Variants in THSD7A observed in about 807,000 individuals in gnomAD.
THSD7A encodes thrombospondin type-1 domain-containing protein 7A.
Under a neutral mutation model 231.3 loss-of-function variants are expected in THSD7A, and 96 were observed. The ratio of observed to expected loss-of-function variants is 0.41; its 90% CI spans 0.35 to 0.49. The LOEUF (loss-of-function observed/expected upper bound fraction) is 0.49. Ranked by LOEUF, THSD7A falls within the 20% of genes least tolerant of loss-of-function variation. The probability of loss-of-function intolerance (pLI) is 0.05; values close to 1 mark genes in which losing one functional copy is unlikely to be tolerated. For synonymous variants in THSD7A, 940 were observed against 743.3 expected (o/e 1.26, Z -4.30); for missense variants, 2,290 against 2,070.2 (o/e 1.11, Z -2.06).
intron 16 of THSD7A, among the ~76,000 whole-genome samples, chr7:11,421,262 G>T (rs1391175961): frequency 1.3e-5 from 2 of 152,178 alleles, no homozygotes; most frequent in Non-Finnish European, 2.9e-5. Flanking sequence ...TCATAGGGCA[G>T]ATTTTCCCCT....
At chr7:11,599,791 C>T (rs1265690924) in intron 2 of THSD7A, among the ~76,000 whole-genome samples, 1 of 151,250 alleles carries the variant, frequency 6.6e-6, no homozygotes, top group African/African-American at 2.4e-5. Flanking sequence ...AGTATTGATG[C>T]TGGGTGTGTC....
chr7:11,611,700 T>C (rs1302931693), intron 2 of THSD7A, among the ~76,000 whole-genome samples: 1 of 151,568 alleles, frequency 6.6e-6, no homozygotes, highest in Non-Finnish European at 1.5e-5. Context: ...TTTATAAAAC[T>C]AAGTAATATA....
At position 11,377,892 on chromosome 7, in the gene THSD7A, T is replaced by G. The variant is rs1014130629; in HGVS notation, c.4801+1178A>C. The stretch of plus-strand genomic sequence containing the variant: ...TTTTTCAAAAGGACTGGTTTTGATC[T>G]GAGGAGATCTGCTTCAATTCTTAGT... On this transcript the variant is annotated intron_variant, in intron 26 of 27. Coordinates refer to ENST00000423059, the MANE Select transcript of THSD7A (RefSeq NM_015204.3). The surrounding 1 kb of genome is among the most constrained non-coding windows in gnomAD (Gnocchi z 4.5). The G allele has an allele frequency of 2.6e-5, 4 of 152,052 alleles. No individual in the cohort carries two copies. The highest frequency in any genetic ancestry group is 9.7e-5 in the African/African-American group (4 of 41,428). 9.4% of individuals were successfully genotyped at this position (152,052 alleles called of 1,614,324 possible).
rs988066923 is a variant in THSD7A, at chr7:11,372,742, A to G, written c.*3052T>C. ...CCCCCTCGGTGAGGTAAAAGTGTCA[A>G]TAGAGAAGTTACTACTATATTCCCC... On this transcript the variant is annotated 3_prime_UTR_variant, in exon 28 of 28. Transcript: ENST00000423059. The G allele has an allele frequency of 2.0e-5, 3 of 152,056 alleles. No individual in the cohort carries two copies. Among genetic ancestry groups the G allele is most frequent in the African/African-American group, 7.2e-5 (3 of 41,408 alleles). 9.4% of individuals were successfully genotyped at this position (152,056 alleles called of 1,614,324 possible).
intron 2 of THSD7A, among the ~76,000 whole-genome samples, chr7:11,623,173 G>A (rs377311768): frequency 6.6e-4 from 100 of 152,266 alleles, no homozygotes; most frequent in African/African-American, 2.4e-3. Flanking sequence ...CCTGATAGAT[G>A]ATCACTAAAT....
chr7:11,386,969 T>A (rs1782770531), intron 23 of THSD7A, among the ~76,000 whole-genome samples: 2 of 152,234 alleles, frequency 1.3e-5, no homozygotes, highest in South Asian at 4.1e-4. Context: ...AAATAGGGAA[T>A]CCTTTCCCCA....
intron 1 of THSD7A, among the ~76,000 whole-genome samples, chr7:11,670,410 T>A (rs1014546518): frequency 6.6e-6 from 1 of 152,230 alleles, no homozygotes; most frequent in Non-Finnish European, 1.5e-5. Context: ...TCACACAATC[T>A]GGTTGGAGCC....
chr7:11,723,878 C>A (rs912884208), intron 1 of THSD7A, among the ~76,000 whole-genome samples: 5 of 151,836 alleles, frequency 3.3e-5, no homozygotes, highest in Admixed American at 6.6e-5. Flanking sequence ...TAGACATTAA[C>A]AGACATTGGA....
intron 1 of THSD7A, among the ~76,000 whole-genome samples, chr7:11,824,963 G>A (rs1784982006): frequency 6.6e-6 from 1 of 152,062 alleles, no homozygotes; most frequent in African/African-American, 2.4e-5. Flanking sequence ...TAAATTTGGT[G>A]CTCAAAACAT....
chr7:11,647,868 G>A (rs1008701408), intron 1 of THSD7A, among the ~76,000 whole-genome samples: 2 of 151,982 alleles, frequency 1.3e-5, no homozygotes, highest in South Asian at 2.1e-4. Context: ...TAACTACTGC[G>A]TCCATACATA....
chr7:11,396,943 C>T (rs774958385), intron 23 of THSD7A, among the ~76,000 whole-genome samples: 7 of 152,158 alleles, frequency 4.6e-5, no homozygotes, highest in Admixed American at 2.0e-4. Context: ...ATGATCAAGT[C>T]GGCTTCATCC....
At chr7:11,424,173 T>G (rs1038895282) in intron 16 of THSD7A, among the ~76,000 whole-genome samples, 4 of 150,418 alleles carry the variant, frequency 2.7e-5, no homozygotes, top group Non-Finnish European at 4.4e-5. Flanking sequence ...GCATTTTTAA[T>G]TTAATTTAAA....
At chr7:11,560,759 C>T (rs1009050557) in intron 4 of THSD7A, among the ~76,000 whole-genome samples, 1 of 151,910 alleles carries the variant, frequency 6.6e-6, no homozygotes, top group African/African-American at 2.4e-5. Context: ...CACTGAGTAA[C>T]AAACCCAACT....
chr7:11,798,528 T>A (rs951388718), intron 1 of THSD7A, among the ~76,000 whole-genome samples: 2 of 150,962 alleles, frequency 1.3e-5, no homozygotes, highest in Non-Finnish European at 3.0e-5. Flanking sequence ...AATATGCAAA[T>A]AAAAATTGTA....
intron 1 of THSD7A, among the ~76,000 whole-genome samples, chr7:11,759,786 A>G (rs959709962): frequency 2.0e-5 from 3 of 152,136 alleles, no homozygotes; most frequent in Non-Finnish European, 4.4e-5. Flanking sequence ...GCAGTCTTTC[A>G]TAACAATAGT....
chr7:11,539,974 T>C (rs561816328), intron 6 of THSD7A, among the ~76,000 whole-genome samples: 1 of 152,330 alleles, frequency 6.6e-6, no homozygotes, highest in African/African-American at 2.4e-5. Flanking sequence ...TGACTGTTTT[T>C]ACAGCAATTC....
chr7:11,595,068 C>CA (rs1780310808), intron 2 of THSD7A, among the ~76,000 whole-genome samples: 1 of 152,196 alleles, frequency 6.6e-6, no homozygotes, highest in South Asian at 2.1e-4. Context: ...TCAGCCTTTC[C>CA]ACCTTTGTCT....
At chr7:11,648,114 T>G (rs892303532) in intron 1 of THSD7A, among the ~76,000 whole-genome samples, 2 of 152,106 alleles carry the variant, frequency 1.3e-5, no homozygotes, top group African/African-American at 4.8e-5. Flanking sequence ...TGCCATTGCT[T>G]AGAGGTCCAT....
At chr7:11,434,084 A>T (rs570812056) in intron 13 of THSD7A, among the ~76,000 whole-genome samples, 1 of 152,172 alleles carries the variant, frequency 6.6e-6, no homozygotes, top group African/African-American at 2.4e-5. Flanking sequence ...GTGAACTGCT[A>T]GAAAAGCATT....
Sources: gnomAD v4.1 joint callset for allele counts (sites outside exome capture counted in the v4.1 genomes callset) on GRCh38, gnomAD v4.1.1 for gene constraint, Gnocchi (gnomAD v3.1) non-coding constraint, MANE v1.5 for transcripts, NCBI Gene and HGNC (gene_info 2026-07-23, HGNC 2026-07-21) for gene names.